Variants in SGSM1 observed in about 807,000 individuals in gnomAD.
The protein encoded by SGSM1 is small G protein signaling modulator 1, also known as RUN and TBC1 domain containing 2.
SGSM1 carries 73 observed loss-of-function variants against 133.8 expected under a neutral mutation model. That is an observed-to-expected ratio of 0.55 (90% confidence interval 0.45 to 0.66). The LOEUF (loss-of-function observed/expected upper bound fraction) is 0.66. Among genes scored for constraint, SGSM1 ranks in the 30% least tolerant of loss-of-function variants. The pLI is 0.00. For missense variants in SGSM1, 1,213 were observed against 1,448.1 expected (o/e 0.84, Z 2.64); for synonymous variants, 563 against 573.0 (o/e 0.98, Z 0.25).
chr22:24,851,110 A>G (rs541068511), intron 5 of SGSM1, among the ~76,000 whole-genome samples: 1 of 151,676 alleles, frequency 6.6e-6, no homozygotes, highest in Non-Finnish European at 1.5e-5. Flanking sequence ...CAAAAAAAAA[A>G]AAAAAAAAAG....
chr22:24,909,645 G>A (rs1036960203), intron 21 of SGSM1, among the ~76,000 whole-genome samples: 3 of 151,892 alleles, frequency 2.0e-5, no homozygotes, highest in Non-Finnish European at 2.9e-5. Context: ...TAGTAGAGAC[G>A]GGATTTCACC....
Position 24,806,486 on chromosome 22 carries a change from T to C in SGSM1, c.63+2T>C. On this transcript the variant is annotated splice_donor_variant, in intron 2 of 24. Transcript: ENST00000400358. LOFTEE classifies it high-confidence loss of function. The stretch of plus-strand genomic sequence containing the variant: ...CTGCTACGCACCGTCAAGAAGGAGG[T>C]GGGTGCCGGGGTGGGGGCACTGGGC... 6.6e-7 allele frequency: 1 copy of C among 1,509,908 alleles called. No homozygotes were observed. The highest frequency in any genetic ancestry group is 8.9e-7 in the Non-Finnish European group (1 of 1,129,700). The allele number at this position is 1,509,908 out of a possible 1,614,324, so 93.5% of individuals were successfully genotyped here.
At chr22:24,918,566 A>G (rs1281963786) in intron 23 of SGSM1, among the ~76,000 whole-genome samples, 1 of 151,570 alleles carries the variant, frequency 6.6e-6, no homozygotes, top group Admixed American at 6.6e-5. Context: ...ATTTGTATGT[A>G]TTATCTCTTT....
At chr22:24,862,685 G>GA (rs1302510318) in intron 9 of SGSM1, among the ~76,000 whole-genome samples, 1 of 152,166 alleles carries the variant, frequency 6.6e-6, no homozygotes, top group East Asian at 1.9e-4. Context: ...GAAAGGAGGG[G>GA]AAAATCTTTA....
chr22:24,807,637 G>A (rs532266327), intron 2 of SGSM1, among the ~76,000 whole-genome samples: 9 of 152,276 alleles, frequency 5.9e-5, no homozygotes, highest in African/African-American at 1.7e-4. Flanking sequence ...CCTTATCAGC[G>A]CTTAGCCCAA....
Position 24,901,884 on chromosome 22 carries a change from G to T in SGSM1, c.2662G>T (p.Val888Leu), listed in dbSNP as rs753690975. Residue 888 changes from valine (V) to leucine (L), a missense_variant, in exon 20 of 25, where the codon GTG becomes TTG. Physicochemically the swap from Val to Leu is conservative, Grantham distance 32 (BLOSUM62 1). Transcript: ENST00000400358. ...GAACCTGCACCGCATCGAGAAGGATGTGCAGAGGTGCGACCGCAACTACTG... is the reference window on the plus strand; with the variant it reads ...GAACCTGCACCGCATCGAGAAGGATTTGCAGAGGTGCGACCGCAACTACTG... ...TVNLHRIEKDVQRCDRNYWYF... is the reference protein window; with the variant it reads ...TVNLHRIEKDLQRCDRNYWYF... The T allele has an allele frequency of 3.7e-6, 6 of 1,610,726 alleles. No individual in the cohort carries two copies. In the Admixed American group the frequency reaches 1.0e-4, roughly 27 times the overall value.
intron 12 of SGSM1, among the ~76,000 whole-genome samples, 168 bp downstream of exon 12, chr22:24,869,023 A>G (rs552919687): frequency 1.3e-5 from 2 of 152,166 alleles, no homozygotes; most frequent in African/African-American, 4.8e-5. Flanking sequence ...CCAAATAAGA[A>G]CAATAACCAC....
At chr22:24,911,929 C>T (rs1482298590) in intron 21 of SGSM1, among the ~76,000 whole-genome samples, 3 of 151,918 alleles carry the variant, frequency 2.0e-5, no homozygotes, top group Non-Finnish European at 4.4e-5. Context: ...GTGGCGGGCG[C>T]CTGTAGTCCC....
At chr22:24,833,275 G>A (rs776065738) in intron 2 of SGSM1, among the ~76,000 whole-genome samples, 4 of 151,706 alleles carry the variant, frequency 2.6e-5, no homozygotes, top group Non-Finnish European at 5.9e-5. Context: ...TATTGGATTA[G>A]GACCCACCCT....
At chr22:24,845,965 C>CT (rs1368017352) in intron 3 of SGSM1, among the ~76,000 whole-genome samples, 38 of 128,158 alleles carry the variant, frequency 3.0e-4, no homozygotes, top group African/African-American at 9.8e-4. Flanking sequence ...TTCTTTCTTT[C>CT]TTTCTTTCTT....
chr22:24,899,743 G>A (rs1446819883), intron 19 of SGSM1, among the ~76,000 whole-genome samples: 1 of 151,876 alleles, frequency 6.6e-6, no homozygotes, highest in Non-Finnish European at 1.5e-5. Flanking sequence ...GGATGGTCTC[G>A]ATCTGCTGAC....
intron 4 of SGSM1, among the ~76,000 whole-genome samples, chr22:24,848,451 C>A (rs1357580089): frequency 2.0e-5 from 3 of 152,058 alleles, no homozygotes; most frequent in African/African-American, 7.2e-5. Context: ...ACTGAAGTAA[C>A]CTTTGAATGG....
chr22:24,870,651 T>C (rs897556241), intron 12 of SGSM1, among the ~76,000 whole-genome samples: 2 of 152,214 alleles, frequency 1.3e-5, no homozygotes, highest in African/African-American at 2.4e-5. Context: ...CCTGCCTCAG[T>C]ATCTCTTTGC....
rs1340042887 is a variant in SGSM1, at chr22:24,818,003, G to A, written c.63+11519G>A. 2.6e-5 allele frequency among the ~76,000 whole-genome samples: 4 copies of A among 152,064 alleles called. No homozygotes were observed. The South Asian group carries it at 6.2e-4, about 24-fold the overall frequency. ...TCCCAGCACTTTGGGAGGCCGAGGCGGGTGGATCACCTGAGGTCAGGAGTT... is the reference window on the plus strand; with the variant it reads ...TCCCAGCACTTTGGGAGGCCGAGGCAGGTGGATCACCTGAGGTCAGGAGTT... On this transcript the variant is annotated intron_variant, in intron 2 of 24. Coordinates refer to ENST00000400358, the MANE Select transcript of SGSM1 (RefSeq NM_001098497.3).
chr22:24,806,283 G>A lies in SGSM1; in HGVS notation c.-43G>A. 2.1e-6 allele frequency: 3 copies of A among 1,408,306 alleles called. No individual in the cohort carries two copies. The highest frequency in any genetic ancestry group is 2.8e-6 in the Non-Finnish European group (3 of 1,085,710). The allele number at this position is 1,408,306 out of a possible 1,614,324, so 87.2% of individuals were successfully genotyped here. A position where few individuals can be genotyped will look rare whatever the true frequency, so the allele number is the denominator to read the frequency against. ...GGCCGGAGGAGCTACCGCCGCCACCGCCGCCACCGCCTCCTGGGACTCGGA... is the reference window on the plus strand; with the variant it reads ...GGCCGGAGGAGCTACCGCCGCCACCACCGCCACCGCCTCCTGGGACTCGGA... On this transcript the variant is annotated 5_prime_UTR_variant, in exon 1 of 25. Coordinates refer to ENST00000400358, the MANE Select transcript of SGSM1 (RefSeq NM_001098497.3).
chr22:24,916,466 G>A (rs931010350), intron 22 of SGSM1, among the ~76,000 whole-genome samples: 2 of 152,174 alleles, frequency 1.3e-5, no homozygotes, highest in African/African-American at 2.4e-5. Flanking sequence ...GCCAAGGCGG[G>A]TGGATCATCT....
intron 2 of SGSM1, among the ~76,000 whole-genome samples, chr22:24,837,587 C>CT (rs746893469): frequency 0.01 from 486 of 47,186 alleles, 5 homozygotes; most frequent in Admixed American, 0.014. Flanking sequence ...GACCCCCCCC[C>CT]CCCCTTTCCC....
chr22:24,864,884 C>G (rs1300161576), intron 9 of SGSM1, among the ~76,000 whole-genome samples: 3 of 152,212 alleles, frequency 2.0e-5, no homozygotes, highest in African/African-American at 4.8e-5. Flanking sequence ...AGCCCTTGCT[C>G]CTTCCTAGCT....
intron 21 of SGSM1, among the ~76,000 whole-genome samples, chr22:24,911,289 C>CT (rs139761): frequency 0.047 from 6,030 of 128,462 alleles, 222 homozygotes; most frequent in African/African-American, 0.074. Context: ...TAATTCCCCA[C>CT]TTTTTTTTTT....
Sources: allele counts gnomAD v4.1 joint callset (sites outside exome capture counted in the v4.1 genomes callset), GRCh38; gene constraint gnomAD v4.1.1; transcripts MANE v1.5; gene names NCBI Gene and HGNC (gene_info 2026-07-23, HGNC 2026-07-21).